CALU: variants seen among roughly 807,000 people sequenced by gnomAD.
CALU encodes calumenin.
CALU carries 13 observed loss-of-function variants against 37.5 expected under a neutral mutation model. The ratio of observed to expected loss-of-function variants is 0.35; its 90% confidence interval spans 0.23 to 0.55. The LOEUF (loss-of-function observed/expected upper bound fraction) is 0.55. Among genes scored for constraint, CALU ranks in the 20% least tolerant of loss-of-function variants. CALU has a pLI of 0.89. For synonymous variants in CALU, 114 were observed against 133.8 expected (o/e 0.85, Z 1.02); for missense variants, 282 against 391.7 (o/e 0.72, Z 2.36).
At position 128,748,669 on chromosome 7, in the gene CALU, A is replaced by G. The variant is rs776857285; in HGVS notation, c.86A>G (p.His29Arg). The G allele has an allele frequency of 1.2e-6, 2 of 1,614,168 alleles. No individual in the cohort carries two copies. Among genetic ancestry groups the G allele is most frequent in the Non-Finnish European group, 1.7e-6 (2 of 1,179,994 alleles). ...SKPTEKKDRV[H>R]HEPQLSDKVH... ...CCCACAGAAAAGAAGGACCGTGTAC[A>G]TCATGAGCCTCAGCTCAGTGACAAG... Residue 29 changes from histidine to arginine, a missense_variant, in exon 2 of 7, where the codon CAT becomes CGT. By Grantham distance (29) the His-to-Arg change is conservative. Transcript: ENST00000249364.
In CALU at chr7:128,771,708, C is replaced by G. The variant is rs537840591; in HGVS notation, c.*2541C>G. On this transcript the variant is annotated 3_prime_UTR_variant, in exon 7 of 7. Coordinates refer to ENST00000249364, the MANE Select transcript of CALU (RefSeq NM_001219.5). ...CCATTAGGCCGTATAACTGGAGAGA[C>G]CTGCTGCTCGTTATATAATTATCTG... 4.6e-5 allele frequency: 7 copies of G among 152,294 alleles called. No homozygotes were observed. The highest frequency in any genetic ancestry group is 4.6e-4 in the Admixed American group (7 of 15,290). The allele number at this position is 152,294 out of a possible 1,614,324, so 9.4% of individuals were successfully genotyped here. A position where few individuals can be genotyped will look rare whatever the true frequency, so the allele number is the denominator to read the frequency against.
At position 128,770,570 on chromosome 7, in the gene CALU, C is replaced by T. The variant is rs1489763001; in HGVS notation, c.*1403C>T. The T allele has an allele frequency of 2.8e-5, 4 of 141,092 alleles. No individual in the cohort carries two copies. The highest frequency in any genetic ancestry group is 1.0e-4 in the African/African-American group (4 of 38,774). 8.7% of individuals were successfully genotyped at this position (141,092 alleles called of 1,614,324 possible). A position where few individuals can be genotyped will look rare whatever the true frequency, so the allele number is the denominator to read the frequency against. ...CCATTTCCTCCTCTTTCCCTCTCCC[C>T]GCTGCCAAAAAAAAAAAAAAAGGAA... is the stretch of plus-strand genomic sequence containing the variant. On this transcript the variant is annotated 3_prime_UTR_variant, in exon 7 of 7. Transcript: ENST00000249364.
intron 3 of CALU, among the ~76,000 whole-genome samples, chr7:128,756,575 C>T (rs1022353591): frequency 2.6e-5 from 4 of 152,126 alleles, no homozygotes; most frequent in Non-Finnish European, 5.9e-5. Flanking sequence ...TAAAATCTGT[C>T]TCAATGAATC....
intron 1 of CALU, among the ~76,000 whole-genome samples, chr7:128,742,230 C>T (rs900360205): frequency 1.1e-4 from 16 of 152,176 alleles, no homozygotes; most frequent in South Asian, 2.1e-4. Flanking sequence ...ACTTCATTTT[C>T]GAGATCTCAT....
At chr7:128,760,286 C>T (rs1801057709) in intron 5 of CALU, among the ~76,000 whole-genome samples, 1 of 152,216 alleles carries the variant, frequency 6.6e-6, no homozygotes, top group South Asian at 2.1e-4. Context: ...GTCACCAGAT[C>T]ATTAACCAGA....
chr7:128,746,028 ATTGT>A (rs1800420743), intron 1 of CALU, among the ~76,000 whole-genome samples: 1 of 152,010 alleles, frequency 6.6e-6, no homozygotes, highest in Non-Finnish European at 1.5e-5. Context: ...AGCTGGGGAG[ATTGT>A]TTAATTTTGT....
chr7:128,759,441 A>G (rs754861112), intron 4 of CALU, among the ~76,000 whole-genome samples: 8 of 152,232 alleles, frequency 5.3e-5, no homozygotes, highest in Admixed American at 1.3e-4. Flanking sequence ...CTATAGCTAA[A>G]CACATAATCA....
At chr7:128,766,404 C>T (rs1438284569) in intron 5 of CALU, among the ~76,000 whole-genome samples, 2 of 147,984 alleles carry the variant, frequency 1.4e-5, no homozygotes, top group African/African-American at 5.0e-5. Flanking sequence ...ATTCTCAAGA[C>T]TGACACTAGT....
chr7:128,770,469 G>A lies in CALU; in HGVS notation c.*1302G>A, dbSNP rs772686249. ...TGGAGAGCTTGAGCTCACACTCAAA[G>A]ATCAGAGGACCTACAGAGAGGGCTC... On this transcript the variant is annotated 3_prime_UTR_variant, in exon 7 of 7. Transcript: ENST00000249364. The A allele has an allele frequency of 6.6e-6, 1 of 152,206 alleles. No homozygotes were observed. Among genetic ancestry groups the A allele is most frequent in the African/African-American group, 2.4e-5 (1 of 41,296 alleles). The allele number at this position is 152,206 out of a possible 1,614,324, so 9.4% of individuals were successfully genotyped here.
chr7:128,761,931 A>G (rs773405500), intron 5 of CALU, among the ~76,000 whole-genome samples: 16 of 152,166 alleles, frequency 1.1e-4, no homozygotes, highest in Non-Finnish European at 1.5e-4. Flanking sequence ...AGTTATTCCA[A>G]TTGAATTACT....
chr7:128,764,835 A>C (rs1801266378), intron 5 of CALU, among the ~76,000 whole-genome samples: 1 of 151,600 alleles, frequency 6.6e-6, no homozygotes, highest in Non-Finnish European at 1.5e-5. Context: ...TATACTACTT[A>C]TCAGTCACCA....
intron 2 of CALU, among the ~76,000 whole-genome samples, chr7:128,749,856 A>G (rs1407356832): frequency 6.6e-6 from 1 of 152,146 alleles, no homozygotes; most frequent in Non-Finnish European, 1.5e-5. Context: ...TTAGTTTTCT[A>G]TTAGGTTGCT....
intron 1 of CALU, among the ~76,000 whole-genome samples, chr7:128,747,017 C>G (rs1237381136): frequency 6.6e-6 from 1 of 152,186 alleles, no homozygotes; most frequent in Admixed American, 6.5e-5. Flanking sequence ...ATCCACCCGC[C>G]TCGGCCTCCC....
rs1224291379 is a variant in CALU, at chr7:128,754,413, T to A, written c.373T>A (p.Ser125Thr). The A allele has an allele frequency of 1.7e-5, 27 of 1,613,934 alleles. No individual in the cohort carries two copies. Among genetic ancestry groups the A allele is most frequent in the Non-Finnish European group, 2.0e-5 (24 of 1,180,002 alleles). The change falls in exon 3 of 7, where the codon TCC (serine) becomes ACC (threonine). Residue 125 changes from serine to threonine, a missense_variant. Physicochemically the swap from Ser to Thr is moderately conservative, Grantham distance 58. Transcript: ENST00000249364. ...GHDLNEDGLV[S>T]WEEYKNATYG... ...TGACCTCAATGAGGACGGCCTCGTT[T>A]CCTGGGAGGAGTATAAAAATGCCAC...
chr7:128,758,497 GACAC>G (rs1365602722), intron 3 of CALU, among the ~76,000 whole-genome samples: 2 of 152,198 alleles, frequency 1.3e-5, no homozygotes, highest in African/African-American at 4.8e-5. Context: ...AAGAGACCAA[GACAC>G]AGGCCAAACA....
chr7:128,757,297 T>G (rs918839183), intron 3 of CALU, among the ~76,000 whole-genome samples: 1 of 152,096 alleles, frequency 6.6e-6, no homozygotes, highest in Non-Finnish European at 1.5e-5. Context: ...GAAGAGACAC[T>G]TTAGTATCTG....
intron 1 of CALU, among the ~76,000 whole-genome samples, chr7:128,744,200 A>C (rs1168162986): frequency 6.6e-6 from 1 of 152,190 alleles, no homozygotes; most frequent in South Asian, 2.1e-4. Context: ...AGACAGACTC[A>C]GTCTCAACAA....
At chr7:128,742,607 A>G (rs923937849) in intron 1 of CALU, among the ~76,000 whole-genome samples, 2 of 152,240 alleles carry the variant, frequency 1.3e-5, no homozygotes, top group African/African-American at 2.4e-5. Context: ...TACTGGTCCA[A>G]TGGATACACT....
rs1383619382 is a variant in CALU, at chr7:128,770,801, A to G, written c.*1634A>G. The G allele has an allele frequency of 6.6e-6, 1 of 152,620 alleles. No individual in the cohort carries two copies. The highest frequency in any genetic ancestry group is 1.5e-5 in the Non-Finnish European group (1 of 68,036). The allele number at this position is 152,620 out of a possible 1,614,324, so 9.5% of individuals were successfully genotyped here. A position where few individuals can be genotyped will look rare whatever the true frequency, so the allele number is the denominator to read the frequency against. ...TTTAGCCCTCAGGTTACCAAGATAA[A>G]TATATGTATATATAACCTTTATTAT... On this transcript the variant is annotated 3_prime_UTR_variant, in exon 7 of 7. Coordinates refer to ENST00000249364, the MANE Select transcript of CALU (RefSeq NM_001219.5).
Sources: gnomAD v4.1 joint callset for allele counts (sites outside exome capture counted in the v4.1 genomes callset) on GRCh38, gnomAD v4.1.1 for gene constraint, MANE v1.5 for transcripts, NCBI Gene and HGNC (gene_info 2026-07-23, HGNC 2026-07-21) for gene names.